The following PRKDC variants were observed in gnomAD, a reference collection of about 807,000 sequenced individuals.
The protein encoded by PRKDC is protein kinase, DNA-activated, catalytic subunit.
A neutral mutation model predicts 486.9 loss-of-function variants in PRKDC; 82 were observed. That is an observed-to-expected ratio of 0.17 (90% CI 0.14 to 0.20). The LOEUF is 0.20. Ranked by LOEUF, PRKDC falls within the 10% of genes least tolerant of loss-of-function variation. The pLI is 1.00. For missense variants in PRKDC, 4,504 were observed against 5,038.2 expected (o/e 0.89, Z 3.21); for synonymous variants, 1,895 against 1,837.0 (o/e 1.03, Z -0.81).
At chr8:47,954,818 CAG>C (rs1380020267) in intron 4 of PRKDC, among the ~76,000 whole-genome samples, 1 of 152,054 alleles carries the variant, frequency 6.6e-6, no homozygotes, top group Non-Finnish European at 1.5e-5. Context: ...ACAAAAAAAA[CAG>C]AAACAGGTCA....
chr8:47,848,341 A>T (rs2088319437), intron 54 of PRKDC, among the ~76,000 whole-genome samples: 1 of 152,208 alleles, frequency 6.6e-6, no homozygotes, highest in African/African-American at 2.4e-5. Flanking sequence ...AGCAACATGG[A>T]TGCAGCTGGA....
intron 54 of PRKDC, among the ~76,000 whole-genome samples, chr8:47,841,269 G>A (rs2088136266): frequency 6.6e-6 from 1 of 152,190 alleles, no homozygotes; most frequent in Admixed American, 6.5e-5. Context: ...AGCAGCTCCA[G>A]CAAATGCAAC....
At chr8:47,904,661 T>C (rs981163755) in intron 26 of PRKDC, among the ~76,000 whole-genome samples, 43 of 152,144 alleles carry the variant, frequency 2.8e-4, no homozygotes, top group African/African-American at 1.0e-3. Flanking sequence ...GGCATGGTGG[T>C]GTGCACCTGT....
chr8:47,782,451 G>A lies in PRKDC; in HGVS notation c.11323C>T (p.Leu3775=). The change falls in exon 79 of 86, where the codon CTG becomes TTG. Residue 3775 remains leucine (L), a synonymous_variant. Transcript: ENST00000314191. The surrounding 1 kb of genome is among the most constrained non-coding windows in gnomAD (Gnocchi z 4.9). ...EQLFQVMNGI[L]AQDSACSQRA... ...TGGCTGCAGGCGGAGTCTTGGGCCAGGATCCCATTCATGACCTGGAAGAGC... is the reference window on the plus strand; with the variant it reads ...TGGCTGCAGGCGGAGTCTTGGGCCAAGATCCCATTCATGACCTGGAAGAGC... 6.3e-7 allele frequency: 1 copy of A among 1,594,904 alleles called. No homozygotes were observed. The highest frequency in any genetic ancestry group is 8.5e-7 in the Non-Finnish European group (1 of 1,171,556).
At position 47,782,126 on chromosome 8, in the gene PRKDC, G is replaced by A. The variant is rs2086708764; in HGVS notation, c.11489+36C>T. 2 of 1,574,536 alleles carry A rather than the reference G, an allele frequency of 1.3e-6. No individual in the cohort carries two copies. Among genetic ancestry groups the A allele is most frequent in the South Asian group, 1.1e-5 (1 of 90,186 alleles). On this transcript the variant is annotated intron_variant, in intron 80 of 85. Transcript: ENST00000314191. The surrounding 1 kb of genome is among the most constrained non-coding windows in gnomAD (Gnocchi z 4.9). ...TGCCACTGGAGAAGTGAGGGGAGGC[G>A]ACTGCTGGGGGAGCAGGGCGTGTGG...
chr8:47,929,256 T>C (rs541837214), intron 18 of PRKDC, 78 bp from the exon 19 acceptor site: 1 of 979,470 alleles, frequency 1.0e-6, no homozygotes, highest in African/African-American at 1.6e-5. Flanking sequence ...TCCTAGCCTG[T>C]CTTCAGAGGG....
chr8:47,895,979 C>A (rs1034797937), intron 30 of PRKDC, among the ~76,000 whole-genome samples: 1 of 151,812 alleles, frequency 6.6e-6, no homozygotes, highest in Non-Finnish European at 1.5e-5. Context: ...GCAGAGGCTG[C>A]AGTGAGCCAA....
In PRKDC at chr8:47,778,454, T is replaced by C. The variant is rs2086643084; in HGVS notation, c.11853+5A>G. On this transcript the variant is annotated splice_donor_5th_base_variant and intron_variant, in intron 83 of 85. Coordinates refer to ENST00000314191, the MANE Select transcript of PRKDC (RefSeq NM_006904.7). ...CCCAGGATCACGAGAGCACAGCAAG[T>C]GCACCTGTGTAGCGGATCCAAACGC... 6.2e-7 allele frequency: 1 copy of C among 1,611,016 alleles called. No individual in the cohort carries two copies. Among genetic ancestry groups the C allele is most frequent in the Non-Finnish European group, 8.5e-7 (1 of 1,178,742 alleles).
Position 47,800,862 on chromosome 8 carries a change from A to G in PRKDC, c.10047T>C (p.Ala3349=), listed in dbSNP as rs760085631. 2 of 1,613,562 alleles carry G rather than the reference A, an allele frequency of 1.2e-6. No individual in the cohort carries two copies. The highest frequency in any genetic ancestry group is 1.7e-6 in the Non-Finnish European group (2 of 1,179,714). Reference sequence around the variant, plus strand: ...TTCTAGCCTTGTCCTCCTCGATTTCAGCAAGGCAGGCTGGCTCACTGCTGA... The same window carrying G: ...TTCTAGCCTTGTCCTCCTCGATTTCGGCAAGGCAGGCTGGCTCACTGCTGA... The part of the protein sequence containing the change: ...NALSSEPACL[A]EIEEDKARRI... Residue 3349 remains alanine, a synonymous_variant, in exon 71 of 86, where the codon GCT becomes GCC. Transcript: ENST00000314191.
intron 54 of PRKDC, among the ~76,000 whole-genome samples, chr8:47,843,388 G>C (rs1053493904): frequency 1.3e-5 from 2 of 151,918 alleles, no homozygotes; most frequent in Admixed American, 6.6e-5. Flanking sequence ...AAAAATAATG[G>C]ATTATGTAAA....
chr8:47,836,051 C>G (rs765503275), intron 58 of PRKDC, among the ~76,000 whole-genome samples: 14 of 152,280 alleles, frequency 9.2e-5, no homozygotes, highest in Non-Finnish European at 8.8e-5. Flanking sequence ...TCACTGCACC[C>G]TGCCTCCACA....
intron 84 of PRKDC, 48 bp downstream of exon 84, chr8:47,777,638 C>T (rs372545101): frequency 8.0e-6 from 12 of 1,508,834 alleles, no homozygotes; most frequent in East Asian, 2.3e-5. Context: ...AGCTTGATCA[C>T]GGGGACACTG....
chr8:47,957,108 C>T, intron 3 of PRKDC, 63 bp downstream of exon 3: 5 of 1,107,956 alleles, frequency 4.5e-6, no homozygotes. Context: ...CCAAGTTCCT[C>T]ACACCATAAG....
chr8:47,778,647 T>G lies in PRKDC; in HGVS notation c.11665A>C (p.Arg3889=). 6.2e-7 allele frequency: 1 copy of G among 1,613,426 alleles called. No homozygotes were observed. The highest frequency in any genetic ancestry group is 1.1e-5 in the South Asian group (1 of 90,970). ...PADLLKRAFV[R]MSTSPEAFLA... is the part of the protein sequence containing the mutation. ...AAAGCCTCAGGGCTTGTACTCATCC[T>G]CACGAAGGCCCGCCTACAAAAGAGA... Residue 3889 remains arginine, a synonymous_variant, in exon 83 of 86, where the codon AGG becomes CGG. Coordinates refer to ENST00000314191, the MANE Select transcript of PRKDC (RefSeq NM_006904.7).
chr8:47,918,410 TA>T (rs2090022772), intron 21 of PRKDC, 27 bp from the exon 22 acceptor site: 3 of 1,372,600 alleles, frequency 2.2e-6, no homozygotes, highest in South Asian at 1.5e-5. Flanking sequence ...AAAATAAATT[TA>T]AAATAGCACT....
At chr8:47,796,935 T>C (rs559579008) in intron 73 of PRKDC, among the ~76,000 whole-genome samples, 7 of 152,346 alleles carry the variant, frequency 4.6e-5, no homozygotes, top group African/African-American at 7.2e-5. Context: ...TTTTTCTGTA[T>C]AGAAGTCAAA....
chr8:47,809,649 G>T (rs1432270325), intron 68 of PRKDC, among the ~76,000 whole-genome samples: 1 of 152,172 alleles, frequency 6.6e-6, no homozygotes, highest in African/African-American at 2.4e-5. Flanking sequence ...AATAAACCAA[G>T]AAGAGAACCA....
chr8:47,778,537 C>T lies in PRKDC; in HGVS notation c.11775G>A (p.Leu3925=). The T allele has an allele frequency of 6.2e-7, 1 of 1,613,824 alleles. No homozygotes were observed. The part of the protein sequence containing the change: ...HWILGIGDRH[L]NNFMVAMETG... ...TCTCCATGGCCACCATAAAGTTGTTCAGATGTCTGTCTCCAATCCCGAGGA... is the reference window on the plus strand; with the variant it reads ...TCTCCATGGCCACCATAAAGTTGTTTAGATGTCTGTCTCCAATCCCGAGGA... The change falls in exon 83 of 86, where the codon CTG becomes CTA. Residue 3925 remains leucine, a synonymous_variant. Transcript: ENST00000314191.
intron 18 of PRKDC, among the ~76,000 whole-genome samples, chr8:47,929,421 T>C (rs1230046500): frequency 6.6e-6 from 1 of 152,186 alleles, no homozygotes; most frequent in Non-Finnish European, 1.5e-5. Context: ...CTCTTCCTCA[T>C]CTCACCCTGT....
Sources: allele counts gnomAD v4.1 joint callset (sites outside exome capture counted in the v4.1 genomes callset), GRCh38; gene constraint gnomAD v4.1.1; non-coding constraint Gnocchi (gnomAD v3.1); transcripts MANE v1.5; gene names NCBI Gene and HGNC (gene_info 2026-07-23, HGNC 2026-07-21).